The following MYT1L variants were observed in gnomAD, a reference collection of about 807,000 sequenced individuals.
MYT1L encodes myelin transcription factor 1 like.
In MYT1L, 12 loss-of-function variants were observed where a neutral mutation model predicts 126.7. The ratio of observed to expected loss-of-function variants is 0.09; its 90% CI spans 0.06 to 0.15. The LOEUF (loss-of-function observed/expected upper bound fraction) is 0.15. MYT1L is among the 10% of genes least tolerant of loss of function. The probability of loss-of-function intolerance (pLI) is 1.00; values close to 1 mark genes in which losing one functional copy is unlikely to be tolerated. For synonymous variants in MYT1L, 541 were observed against 604.2 expected (o/e 0.90, Z 1.53); for missense variants, 979 against 1,585.2 (o/e 0.62, Z 6.49).
At chr2:1,971,708 G>A (rs1484733209) in intron 8 of MYT1L, among the ~76,000 whole-genome samples, 1 of 152,206 alleles carries the variant, frequency 6.6e-6, no homozygotes, top group Non-Finnish European at 1.5e-5. Context: ...TCCAGCCTGG[G>A]CGACAGAGCG....
intron 1 of MYT1L, chr2:2,319,456 A>G (rs544919975): frequency 1.3e-5 from 2 of 152,290 alleles, no homozygotes; most frequent in Non-Finnish European, 2.9e-5. Context: ...AGAAACCATG[A>G]TGGATGAGGG....
intron 21 of MYT1L, chr2:1,816,294 G>A (rs532620410): frequency 6.5e-6 from 1 of 152,814 alleles, no homozygotes; most frequent in Non-Finnish European, 1.5e-5. Flanking sequence ...ACGCTGTATG[G>A]ATTAGCGAAT....
chr2:2,200,453 C>T (rs761771736), intron 2 of MYT1L, among the ~76,000 whole-genome samples: 10 of 152,068 alleles, frequency 6.6e-5, no homozygotes, highest in Non-Finnish European at 1.3e-4. Context: ...CCACACATCA[C>T]CTGAACATCT....
At chr2:2,141,501 A>C (rs2083970252) in intron 3 of MYT1L, among the ~76,000 whole-genome samples, 1 of 152,174 alleles carries the variant, frequency 6.6e-6, no homozygotes, top group African/African-American at 2.4e-5. Context: ...TTCAGAAGTC[A>C]GATTTCTGGG....
chr2:1,826,315 C>G (rs2039328141), intron 21 of MYT1L, among the ~76,000 whole-genome samples: 1 of 152,214 alleles, frequency 6.6e-6, no homozygotes. Context: ...CCTGCTGAAG[C>G]TCAGTGCTTT....
intron 1 of MYT1L, among the ~76,000 whole-genome samples, chr2:2,303,036 A>C (rs990318270): frequency 6.6e-6 from 1 of 152,204 alleles, no homozygotes; most frequent in African/African-American, 2.4e-5. Context: ...GTAGTCAATC[A>C]GGCTCCATTT....
rs1188693030 is a variant in MYT1L at position 2,090,470 on chromosome 2, AG to A, written c.-303-36348del. ...ATTGCTTTATTGCTCAATAATTCTA[AG>A]GATCACTTGAGCCTTCAGGGAGTTG... On this transcript the variant is annotated intron_variant, in intron 3 of 24. Transcript: ENST00000647738. Among the ~76,000 whole-genome samples the A allele has an allele frequency of 5.3e-5, 8 of 152,330 alleles. No homozygotes were observed. The East Asian group carries it at 1.4e-3, about 26-fold the overall frequency.
chr2:2,047,713 A>T (rs1179934544), intron 4 of MYT1L, among the ~76,000 whole-genome samples: 2 of 152,236 alleles, frequency 1.3e-5, no homozygotes, highest in African/African-American at 4.8e-5. Context: ...AACAAGCTTA[A>T]ATGGAAGATG....
chr2:2,250,294 A>C (rs2094611732), intron 2 of MYT1L, among the ~76,000 whole-genome samples: 1 of 152,190 alleles, frequency 6.6e-6, no homozygotes, highest in African/African-American at 2.4e-5. Context: ...TGAATGGATA[A>C]AAAAGTGTGG....
At chr2:2,231,553 T>A (rs1197703766) in intron 2 of MYT1L, among the ~76,000 whole-genome samples, 1 of 152,066 alleles carries the variant, frequency 6.6e-6, no homozygotes, top group Non-Finnish European at 1.5e-5. Context: ...GCTCAAGCAA[T>A]CCTCCCACCT....
At chr2:2,170,731 C>T (rs946374793) in intron 3 of MYT1L, among the ~76,000 whole-genome samples, 1 of 152,068 alleles carries the variant, frequency 6.6e-6, no homozygotes, top group African/African-American at 2.4e-5. Context: ...AGATATTGAC[C>T]ATCCCCTGAG....
At chr2:2,170,412 GC>G (rs2089856265) in intron 3 of MYT1L, among the ~76,000 whole-genome samples, 1 of 152,198 alleles carries the variant, frequency 6.6e-6, no homozygotes, top group African/African-American at 2.4e-5. Flanking sequence ...CATGCCATTT[GC>G]TCGCTGTTGC....
At chr2:2,012,462 C>A (rs1046806535) in intron 4 of MYT1L, among the ~76,000 whole-genome samples, 1 of 152,124 alleles carries the variant, frequency 6.6e-6, no homozygotes, top group Non-Finnish European at 1.5e-5. Flanking sequence ...GGGCCAGAGT[C>A]GGGGAATGTG....
chr2:2,320,943 T>C (rs2096153247), intron 1 of MYT1L, among the ~76,000 whole-genome samples: 3 of 152,186 alleles, frequency 2.0e-5, no homozygotes, highest in Admixed American at 6.5e-5. Flanking sequence ...AACAAACAGC[T>C]GGATGGATGC....
intron 3 of MYT1L, among the ~76,000 whole-genome samples, chr2:2,120,445 T>C (rs1485307132): frequency 6.6e-6 from 1 of 152,166 alleles, no homozygotes; most frequent in Non-Finnish European, 1.5e-5. Context: ...TTCTTTCCAC[T>C]ACATTAAGCT....
chr2:2,259,688 C>G (rs1018534673), intron 2 of MYT1L, among the ~76,000 whole-genome samples: 1 of 152,104 alleles, frequency 6.6e-6, no homozygotes, highest in Non-Finnish European at 1.5e-5. Flanking sequence ...TGGCTAGTAT[C>G]GATCCATTCC....
chr2:2,166,398 G>C (rs2089123013), intron 3 of MYT1L, among the ~76,000 whole-genome samples: 1 of 152,148 alleles, frequency 6.6e-6, no homozygotes, highest in South Asian at 2.1e-4. Flanking sequence ...ACATCTCTAT[G>C]TTAGCAATAA....
chr2:2,281,324 G>A (rs958455520), intron 2 of MYT1L, among the ~76,000 whole-genome samples: 3 of 152,288 alleles, frequency 2.0e-5, no homozygotes, highest in South Asian at 2.1e-4. Context: ...ATAAATCATC[G>A]GGTATTTCTT....
intron 3 of MYT1L, among the ~76,000 whole-genome samples, chr2:2,146,335 G>A (rs1379687209): frequency 6.6e-6 from 1 of 152,218 alleles, no homozygotes; most frequent in Admixed American, 6.5e-5. Flanking sequence ...TCTGGGCAGA[G>A]ACGCCTGAGA....
Sources: gnomAD v4.1 joint callset for allele counts (sites outside exome capture counted in the v4.1 genomes callset) on GRCh38, gnomAD v4.1.1 for gene constraint, MANE v1.5 for transcripts, NCBI Gene and HGNC (gene_info 2026-07-23, HGNC 2026-07-21) for gene names.